The following TNPO1 variants were observed in gnomAD, a reference collection of about 807,000 sequenced individuals.
The protein encoded by TNPO1 is transportin-1.
In TNPO1, 8 loss-of-function variants were observed where a neutral mutation model predicts 119.5. The ratio of observed to expected loss-of-function variants is 0.07; its 90% confidence interval spans 0.04 to 0.12. TNPO1 has a LOEUF of 0.12. Ranked by LOEUF, TNPO1 falls within the 10% of genes least tolerant of loss-of-function variation. TNPO1 has a pLI of 1.00. For missense variants in TNPO1, 576 were observed against 1,089.8 expected, an observed-to-expected ratio of 0.53 and a Z score of 6.64; for synonymous variants, 362 against 363.0, an observed-to-expected ratio of 1.00 and a Z score of 0.03.
At chr5:72,848,605 T>C (rs979609732) in intron 2 of TNPO1, 107 bp downstream of exon 2, 4 of 484,366 alleles carry the variant, frequency 8.3e-6, no homozygotes, top group Non-Finnish European at 1.3e-5. Context: ...CCCTCCCCCA[T>C]CCTCCGAGAC....
intron 1 of TNPO1, among the ~76,000 whole-genome samples, chr5:72,825,013 C>T (rs1744142276): frequency 6.6e-6 from 1 of 152,166 alleles, no homozygotes; most frequent in South Asian, 2.1e-4. Flanking sequence ...TTTTACTTCA[C>T]TTTTTCTTTT....
intron 20 of TNPO1, among the ~76,000 whole-genome samples, chr5:72,898,412 A>T (rs1749592436): frequency 6.6e-6 from 1 of 152,134 alleles, no homozygotes; most frequent in Non-Finnish European, 1.5e-5. Flanking sequence ...CTACATAAAT[A>T]AGTCATAATG....
intron 3 of TNPO1, among the ~76,000 whole-genome samples, chr5:72,854,156 T>TA (rs1745805985): frequency 1.3e-5 from 2 of 152,218 alleles, no homozygotes; most frequent in African/African-American, 4.8e-5. Flanking sequence ...TTAAAGAAGT[T>TA]AAATATCTGG....
chr5:72,897,385 G>A (rs996379986), intron 20 of TNPO1, among the ~76,000 whole-genome samples: 1 of 152,066 alleles, frequency 6.6e-6, no homozygotes, highest in African/African-American at 2.4e-5. Context: ...CCCTATTCCA[G>A]TGTTTTAATA....
intron 22 of TNPO1, among the ~76,000 whole-genome samples, chr5:72,902,514 T>G (rs926494458): frequency 1.1e-4 from 16 of 146,336 alleles, no homozygotes; most frequent in East Asian, 2.0e-4. Flanking sequence ...TGGGTTTTTG[T>G]TTTTTTTTTT....
In TNPO1 at chr5:72,900,991, A is replaced by G. The variant is rs1236664708; in HGVS notation, c.2432A>G (p.Asn811Ser). ...FIRPWCTSLR[N>S]IRDNEEKDSA... ...TTCAATAGGTGCACCTCTCTGAGAA[A>G]CATAAGAGACAATGAGGAAAAGGAT... Residue 811 changes from asparagine (N) to serine (S), a missense_variant, in exon 22 of 25, where the codon AAC becomes AGC. This residue lies in a region of TNPO1 where 162 missense variants were observed against 294.1 expected (regional missense o/e 0.55). Transcript: ENST00000337273. The G allele has an allele frequency of 7.5e-6, 12 of 1,610,170 alleles. No individual in the cohort carries two copies. The highest frequency in any genetic ancestry group is 1.0e-5 in the Non-Finnish European group (12 of 1,178,662).
intron 1 of TNPO1, chr5:72,825,867 A>G (rs1744187540): frequency 1.3e-5 from 2 of 152,232 alleles, no homozygotes; most frequent in South Asian, 2.1e-4. Context: ...CATTTATGGT[A>G]TTTTGTTATA....
chr5:72,867,711 G>A (rs1460534577), intron 6 of TNPO1, among the ~76,000 whole-genome samples: 1 of 152,162 alleles, frequency 6.6e-6, no homozygotes, highest in African/African-American at 2.4e-5. Flanking sequence ...TTTATTGCAT[G>A]CATATGCAAA....
chr5:72,848,602 C>T (rs1261428474), intron 2 of TNPO1, 104 bp downstream of exon 2: 1 of 538,046 alleles, frequency 1.9e-6, no homozygotes, highest in Non-Finnish European at 2.8e-6. Flanking sequence ...TGCCCCTCCC[C>T]CATCCTCCGA....
chr5:72,890,254 T>TA (rs1748946445), intron 14 of TNPO1, among the ~76,000 whole-genome samples: 1 of 152,256 alleles, frequency 6.6e-6, no homozygotes, highest in South Asian at 2.1e-4. Context: ...TATCTGCTTT[T>TA]ACTTAATTCC....
chr5:72,904,383 A>G (rs1002683836), intron 23 of TNPO1, among the ~76,000 whole-genome samples: 4 of 152,234 alleles, frequency 2.6e-5, no homozygotes, highest in East Asian at 1.9e-4. Flanking sequence ...TGCTTAGAGT[A>G]TATCTGTTAC....
intron 7 of TNPO1, 120 bp downstream of exon 7, chr5:72,872,840 A>G: frequency 1.9e-6 from 1 of 532,330 alleles, no homozygotes; most frequent in Non-Finnish European, 3.2e-6. Context: ...TCTAAACTCA[A>G]TATTTAATTA....
intron 22 of TNPO1, among the ~76,000 whole-genome samples, chr5:72,903,457 G>T (rs975468401): frequency 1.3e-5 from 2 of 152,130 alleles, no homozygotes; most frequent in Non-Finnish European, 2.9e-5. Context: ...TGCACAGGGG[G>T]TTATTTTGTT....
At chr5:72,898,333 A>T (rs1451491208) in intron 20 of TNPO1, among the ~76,000 whole-genome samples, 1 of 152,122 alleles carries the variant, frequency 6.6e-6, no homozygotes, top group Non-Finnish European at 1.5e-5. Flanking sequence ...TCAGCTGGTG[A>T]ATTTGTTACA....
chr5:72,880,846 AT>A (rs377288039), intron 9 of TNPO1, among the ~76,000 whole-genome samples: 189 of 149,102 alleles, frequency 1.3e-3, no homozygotes, highest in Non-Finnish European at 2.2e-3. Flanking sequence ...CTCATTTTTA[AT>A]GGCTACATGG....
chr5:72,885,685 T>C (rs1359671162), intron 11 of TNPO1, among the ~76,000 whole-genome samples: 1 of 152,126 alleles, frequency 6.6e-6, no homozygotes, highest in Non-Finnish European at 1.5e-5. Flanking sequence ...AAGATCCTTA[T>C]TGATGGGTAA....
At chr5:72,817,634 T>C (rs1253613148) in intron 1 of TNPO1, among the ~76,000 whole-genome samples, 1 of 152,250 alleles carries the variant, frequency 6.6e-6, no homozygotes, top group East Asian at 1.9e-4. Flanking sequence ...TTGACAGCTG[T>C]ATTAAGAAGC....
Position 72,855,564 on chromosome 5 carries a change from C to T in TNPO1, c.206-210C>T, listed in dbSNP as rs146331864. 2.0e-3 allele frequency among the ~76,000 whole-genome samples: 303 copies of T among 152,168 alleles called. 3 individuals are homozygous for T. The highest frequency in any genetic ancestry group is 7.1e-3 in the African/African-American group (293 of 41,530). On this transcript the variant is annotated intron_variant, in intron 3 of 24. Coordinates refer to ENST00000337273, the MANE Select transcript of TNPO1 (RefSeq NM_002270.4). ...TTAAAATGCACAGGACAGCACCCTC[C>T]AACAAATAATTGTCAGTATGTCAAG...
chr5:72,893,755 C>A, intron 18 of TNPO1, 52 bp downstream of exon 18: 3 of 1,489,084 alleles, frequency 2.0e-6, no homozygotes, highest in Non-Finnish European at 2.8e-6. Flanking sequence ...TTAACATTTA[C>A]ATCAGCTTTG....
Sources: allele counts gnomAD v4.1 joint callset (sites outside exome capture counted in the v4.1 genomes callset), GRCh38; gene constraint gnomAD v4.1.1; regional missense constraint gnomAD v4.1.1; transcripts MANE v1.5; gene names NCBI Gene and HGNC (gene_info 2026-07-23, HGNC 2026-07-21).